ARHGAP20: variants seen among roughly 807,000 people sequenced by gnomAD.
ARHGAP20 encodes Rho GTPase activating protein 20.
In ARHGAP20, 34 loss-of-function variants were observed where a neutral mutation model predicts 73.7. That is an observed-to-expected ratio of 0.46 (90% CI 0.35 to 0.61). The LOEUF (loss-of-function observed/expected upper bound fraction) is 0.61. Ranked by LOEUF, ARHGAP20 falls within the 20% of genes least tolerant of loss-of-function variation. The pLI, the probability that ARHGAP20 is intolerant of heterozygous loss-of-function variation, is 0.00. For synonymous variants in ARHGAP20, 523 were observed against 518.2 expected (o/e 1.01, Z -0.13); for missense variants, 1,314 against 1,420.9 (o/e 0.92, Z 1.21).
In ARHGAP20 at chr11:110,579,739, T is replaced by A. The variant is rs758180280; in HGVS notation, c.3207A>T (p.Gly1069=). The A allele has an allele frequency of 6.2e-7, 1 of 1,613,858 alleles. No individual in the cohort carries two copies. Among genetic ancestry groups the A allele is most frequent in the South Asian group, 1.1e-5 (1 of 91,066 alleles). ...AAGCATGTGGGGGTGGCTCTAAGGG[T>A]CCTTTTGGAGAAGCTATTTTCTCTT... ...PEEEKIASPK[G]PLEPPPHASG... Residue 1069 remains glycine (G), a synonymous_variant, in exon 15 of 15, where the codon GGA becomes GGT. Transcript: ENST00000683387.
At chr11:110,625,584 A>G (rs1323816279) in intron 3 of ARHGAP20, among the ~76,000 whole-genome samples, 1 of 152,090 alleles carries the variant, frequency 6.6e-6, no homozygotes. Context: ...TAAAAAAAAA[A>G]GTAGGGTTGA....
chr11:110,586,976 C>G (rs2134809263), intron 11 of ARHGAP20, among the ~76,000 whole-genome samples: 1 of 152,286 alleles, frequency 6.6e-6, no homozygotes, highest in African/African-American at 2.4e-5. Context: ...GCAGCACACT[C>G]ATGCCTGATG....
At chr11:110,596,282 A>C (rs1391838056) in intron 9 of ARHGAP20, among the ~76,000 whole-genome samples, 3 of 151,072 alleles carry the variant, frequency 2.0e-5, no homozygotes, top group Admixed American at 6.6e-5. Flanking sequence ...ACAAGGGCCA[A>C]AATTGACAAA....
intron 10 of ARHGAP20, 38 bp downstream of exon 10, chr11:110,591,938 AC>A: frequency 5.0e-6 from 8 of 1,598,246 alleles, no homozygotes; most frequent in Non-Finnish European, 6.9e-6. Context: ...TTTCCCAAAC[AC>A]CCTTTCCCAT....
In ARHGAP20 at chr11:110,630,803, T is replaced by A; in HGVS notation, c.189-11A>T. On this transcript the variant is annotated splice_polypyrimidine_tract_variant and intron_variant, in intron 2 of 14. Transcript: ENST00000683387. ...GCAGAAGGACTGTCCCTGTAACAGA[T>A]CAAATGCCACAGATCAGTCAAACGA... 6.2e-7 allele frequency: 1 copy of A among 1,609,878 alleles called. No homozygotes were observed. Among genetic ancestry groups the A allele is most frequent in the Non-Finnish European group, 8.5e-7 (1 of 1,177,770 alleles).
At chr11:110,590,932 G>A (rs1947811873) in intron 10 of ARHGAP20, 123 bp from the exon 11 acceptor site, 5 of 1,003,146 alleles carry the variant, frequency 5.0e-6, no homozygotes, top group Non-Finnish European at 6.9e-6. Context: ...AAGGATTGGA[G>A]CTAAATAAAT....
chr11:110,690,355 C>G (rs536647815), intron 2 of ARHGAP20, among the ~76,000 whole-genome samples, 192 bp downstream of exon 2: 1 of 152,282 alleles, frequency 6.6e-6, no homozygotes, highest in African/African-American at 2.4e-5. Context: ...AGTTTTAAAG[C>G]AACTGAGCAT....
intron 1 of ARHGAP20, chr11:110,711,747 AG>A: frequency 7.3e-7 from 1 of 1,362,544 alleles, no homozygotes; most frequent in Non-Finnish European, 9.4e-7. Flanking sequence ...GTGCTCGCCC[AG>A]GCCACTTCGG....
intron 8 of ARHGAP20, among the ~76,000 whole-genome samples, chr11:110,608,254 A>G (rs992273584): frequency 5.3e-5 from 8 of 152,186 alleles, no homozygotes; most frequent in African/African-American, 1.9e-4. Flanking sequence ...CATCGTCATC[A>G]TCTCAAGATC....
intron 2 of ARHGAP20, among the ~76,000 whole-genome samples, chr11:110,678,119 C>T (rs955452353): frequency 1.3e-5 from 2 of 152,080 alleles, no homozygotes; most frequent in Non-Finnish European, 2.9e-5. Flanking sequence ...CAAGACCAAA[C>T]AGCACACGAT....
intron 1 of ARHGAP20, among the ~76,000 whole-genome samples, chr11:110,695,418 C>A (rs747822451): frequency 6.6e-6 from 1 of 151,530 alleles, no homozygotes; most frequent in Non-Finnish European, 1.5e-5. Context: ...AATGGGAAAG[C>A]TTTTATTGCA....
intron 2 of ARHGAP20, among the ~76,000 whole-genome samples, chr11:110,688,838 A>G (rs1950185555): frequency 6.6e-6 from 1 of 152,204 alleles, no homozygotes; most frequent in Admixed American, 6.5e-5. Context: ...CCCAATGACT[A>G]AAGTGTATGT....
intron 1 of ARHGAP20, among the ~76,000 whole-genome samples, chr11:110,695,305 AC>A (rs1416162807): frequency 1.3e-5 from 2 of 151,528 alleles, no homozygotes; most frequent in Non-Finnish European, 3.0e-5. Flanking sequence ...TAGATATGAC[AC>A]CAAAAGTACA....
chr11:110,687,728 C>G (rs527380936), intron 2 of ARHGAP20, among the ~76,000 whole-genome samples: 3 of 152,170 alleles, frequency 2.0e-5, no homozygotes, highest in Admixed American at 6.5e-5. Context: ...ATAAAACACT[C>G]TAACGGTAAC....
intron 4 of ARHGAP20, 131 bp downstream of exon 4, chr11:110,624,031 A>G: frequency 1.6e-6 from 2 of 1,253,154 alleles, no homozygotes; most frequent in Non-Finnish European, 2.2e-6. Context: ...TTGATTTAAT[A>G]TGGAATCAGA....
At chr11:110,597,610 T>G (rs190170946) in intron 9 of ARHGAP20, among the ~76,000 whole-genome samples, 1 of 152,334 alleles carries the variant, frequency 6.6e-6, no homozygotes, top group Non-Finnish European at 1.5e-5. Flanking sequence ...GATTTTATTA[T>G]TTCTAAAACA....
chr11:110,675,367 T>C (rs1055891233), intron 2 of ARHGAP20, among the ~76,000 whole-genome samples: 46 of 152,214 alleles, frequency 3.0e-4, no homozygotes, highest in African/African-American at 9.2e-4. Flanking sequence ...CACTTTGAGC[T>C]CTAACTTAAA....
intron 3 of ARHGAP20, among the ~76,000 whole-genome samples, chr11:110,625,574 TA>T (rs907441769): frequency 9.4e-5 from 14 of 148,416 alleles, no homozygotes; most frequent in Middle Eastern, 3.5e-3. Context: ...AAACCAAACT[TA>T]AAAAAAAAAG....
At chr11:110,684,619 T>C (rs543585348) in intron 2 of ARHGAP20, among the ~76,000 whole-genome samples, 51 of 152,166 alleles carry the variant, frequency 3.4e-4, no homozygotes, top group Non-Finnish European at 6.5e-4. Context: ...TGCACTCTTA[T>C]GTTTACTGAA....
Sources: allele counts gnomAD v4.1 joint callset (sites outside exome capture counted in the v4.1 genomes callset), GRCh38; gene constraint gnomAD v4.1.1; transcripts MANE v1.5; gene names NCBI Gene and HGNC (gene_info 2026-07-23, HGNC 2026-07-21).